HS6ST1: variants seen among roughly 807,000 people sequenced by gnomAD.
The protein encoded by HS6ST1 is heparan-sulfate 6-O-sulfotransferase 1.
Under a neutral mutation model 25.2 loss-of-function variants are expected in HS6ST1, and 3 were observed. That is an observed-to-expected ratio of 0.12 (90% CI 0.05 to 0.31). The LOEUF (loss-of-function observed/expected upper bound fraction) is 0.31. Ranked by LOEUF, HS6ST1 falls within the 10% of genes least tolerant of loss-of-function variation. The pLI is 1.00. For missense variants in HS6ST1, 310 were observed against 609.6 expected (o/e 0.51, Z 5.18); for synonymous variants, 204 against 275.1 (o/e 0.74, Z 2.56).
intron 1 of HS6ST1, chr2:128,290,033 TATAA>T (rs1301935633): frequency 6.6e-6 from 1 of 152,158 alleles, no homozygotes; most frequent in African/African-American, 2.4e-5. Context: ...TAACTACATA[TATAA>T]ATATACATGT....
intron 1 of HS6ST1, among the ~76,000 whole-genome samples, chr2:128,310,440 C>T (rs561206389): frequency 1.1e-4 from 17 of 152,350 alleles, no homozygotes; most frequent in South Asian, 4.1e-4. Flanking sequence ...AGAGGCACCG[C>T]GGCAGCAGAA....
At chr2:128,297,821 T>C (rs1026462798) in intron 1 of HS6ST1, among the ~76,000 whole-genome samples, 2 of 152,004 alleles carry the variant, frequency 1.3e-5, no homozygotes, top group African/African-American at 4.8e-5. Flanking sequence ...GCAACAAGAG[T>C]GAAACTCTGT....
At position 128,305,625 on chromosome 2, in the gene HS6ST1, C is replaced by T. The variant is rs528642950; in HGVS notation, c.527+12412G>A. Among the ~76,000 whole-genome samples, 14 of 152,360 alleles carry T rather than the reference C, an allele frequency of 9.2e-5. 1 individual carries two copies. The highest frequency in any genetic ancestry group is 3.1e-4 in the African/African-American group (13 of 41,594). ...CTGGAACCCACTCTCACTCTGGGGC[C>T]TACCTTCTCCCCGGCTTAGTGCCTG... On this transcript the variant is annotated intron_variant, in intron 1 of 1. Transcript: ENST00000259241.
chr2:128,277,039 C>T (rs1026885347), intron 1 of HS6ST1, among the ~76,000 whole-genome samples: 1 of 152,124 alleles, frequency 6.6e-6, no homozygotes, highest in African/African-American at 2.4e-5. Flanking sequence ...CTGAATGCTC[C>T]GTGGCCACAC....
chr2:128,312,745 T>G (rs573618389), intron 1 of HS6ST1, among the ~76,000 whole-genome samples: 1 of 152,202 alleles, frequency 6.6e-6, no homozygotes, highest in South Asian at 2.1e-4. Flanking sequence ...TTTCGGTGAT[T>G]TAAGAGAATA....
At chr2:128,274,950 C>T (rs192012516) in intron 1 of HS6ST1, among the ~76,000 whole-genome samples, 1,803 of 116,386 alleles carry the variant, frequency 0.015, 23 homozygotes, top group Non-Finnish European at 0.017. Context: ...GGTGACAGAG[C>T]GAGACTCCGT....
chr2:128,288,562 T>C lies in HS6ST1; in HGVS notation c.528-19692A>G, dbSNP rs1374033043. 3.9e-5 allele frequency among the ~76,000 whole-genome samples: 6 copies of C among 152,270 alleles called. 1 individual carries two copies. In the East Asian group the frequency reaches 7.7e-4, roughly 20 times the overall value. The stretch of plus-strand genomic sequence containing the variant: ...TGCCAACTCTGGAAAACACATCAAC[T>C]GGAGAGATGGAGCAGAAATGCAACC... On this transcript the variant is annotated intron_variant, in intron 1 of 1. Coordinates refer to ENST00000259241, the MANE Select transcript of HS6ST1 (RefSeq NM_004807.3).
At chr2:128,282,942 A>G (rs1693809058) in intron 1 of HS6ST1, among the ~76,000 whole-genome samples, 1 of 152,140 alleles carries the variant, frequency 6.6e-6, no homozygotes, top group Non-Finnish European at 1.5e-5. Flanking sequence ...ACCTCAGGGG[A>G]CCAGACACCC....
chr2:128,289,669 ATC>A (rs1253493459), intron 1 of HS6ST1: 1 of 152,210 alleles, frequency 6.6e-6, no homozygotes, highest in Admixed American at 6.5e-5. Context: ...TGCATCTGTC[ATC>A]TGTTTCCTCC....
At chr2:128,288,259 C>T (rs918986448) in intron 1 of HS6ST1, among the ~76,000 whole-genome samples, 2 of 152,182 alleles carry the variant, frequency 1.3e-5, no homozygotes, top group African/African-American at 4.8e-5. Context: ...CTGCTTGGGC[C>T]CACCAAGAGA....
intron 1 of HS6ST1, among the ~76,000 whole-genome samples, chr2:128,271,230 C>A (rs901580471): frequency 6.6e-6 from 1 of 152,254 alleles, no homozygotes; most frequent in Admixed American, 6.5e-5. Flanking sequence ...GGGCTTGGCA[C>A]CCTGCAGATG....
At chr2:128,276,404 G>A (rs1231773352) in intron 1 of HS6ST1, among the ~76,000 whole-genome samples, 1 of 152,186 alleles carries the variant, frequency 6.6e-6, no homozygotes, top group African/African-American at 2.4e-5. Context: ...CCAAAGTGTT[G>A]GGATGACAGG....
At chr2:128,289,174 C>A (rs1693911412) in intron 1 of HS6ST1, among the ~76,000 whole-genome samples, 1 of 152,094 alleles carries the variant, frequency 6.6e-6, no homozygotes, top group South Asian at 2.1e-4. Flanking sequence ...ACTCTATACT[C>A]CCATGGCCCT....
At chr2:128,308,880 G>A (rs1475937713) in intron 1 of HS6ST1, among the ~76,000 whole-genome samples, 1 of 152,204 alleles carries the variant, frequency 6.6e-6, no homozygotes, top group Admixed American at 6.5e-5. Flanking sequence ...TTCCTAGCTG[G>A]CTCTGGAGGT....
Position 128,268,538 on chromosome 2 carries a change from C to G in HS6ST1, c.860G>C (p.Gly287Ala), listed in dbSNP as rs1283087346. Residue 287 changes from glycine to alanine, a missense_variant, in exon 2 of 2, where the codon GGC (glycine) becomes GCC (alanine). By Grantham distance (60) the Gly-to-Ala change is moderately conservative (BLOSUM62 0). Around this residue, in one of 5 missense-constraint regions of HS6ST1, gnomAD observed 98 missense variants for 270.3 expected, o/e 0.36. Transcript: ENST00000259241. ...CTCGGTCAGGCCGAAGAAGGCCATGCCCCGCAGGTTCTTCTTGGCGCTCTC... is the reference window on the plus strand; with the variant it reads ...CTCGGTCAGGCCGAAGAAGGCCATGGCCCGCAGGTTCTTCTTGGCGCTCTC... Reference protein sequence around the residue: ...LLESAKKNLRGMAFFGLTEFQ... With the variant: ...LLESAKKNLRAMAFFGLTEFQ... 33 of 1,601,302 alleles carry G rather than the reference C, an allele frequency of 2.1e-5. No homozygotes were observed. The highest frequency in any genetic ancestry group is 2.7e-5 in the Non-Finnish European group (32 of 1,173,632).
At chr2:128,315,540 G>C in intron 1 of HS6ST1, among the ~76,000 whole-genome samples, 1 of 152,236 alleles carries the variant, frequency 6.6e-6, no homozygotes. Flanking sequence ...CAGAGCCAGA[G>C]TGAAGACATC....
In HS6ST1 at chr2:128,318,081, G is replaced by A. The variant is rs1353135604; in HGVS notation, c.483C>T (p.Pro161=). The A allele has an allele frequency of 3.9e-6, 6 of 1,528,914 alleles. No homozygotes were observed. Among genetic ancestry groups the A allele is most frequent in the Non-Finnish European group, 5.3e-6 (6 of 1,141,182 alleles). The allele number at this position is 1,528,914 out of a possible 1,614,324, so 94.7% of individuals were successfully genotyped here. The change falls in exon 1 of 2, where the codon CCC becomes CCT. Residue 161 remains proline, a synonymous_variant. Coordinates refer to ENST00000259241, the MANE Select transcript of HS6ST1 (RefSeq NM_004807.3). The surrounding 1 kb of genome is among the most constrained non-coding windows in gnomAD (Gnocchi z 5.7). The part of the protein sequence containing the change: ...ADWTELTNCV[P]GVLDRRDSAA... ...CGGAGTCGCGGCGGTCCAGCACGCCGGGCACGCAGTTGGTGAGCTCGGTCC... is the reference window on the plus strand; with the variant it reads ...CGGAGTCGCGGCGGTCCAGCACGCCAGGCACGCAGTTGGTGAGCTCGGTCC...
At chr2:128,305,123 G>A (rs1694189149) in intron 1 of HS6ST1, among the ~76,000 whole-genome samples, 1 of 152,194 alleles carries the variant, frequency 6.6e-6, no homozygotes, top group Non-Finnish European at 1.5e-5. Flanking sequence ...GTCCCCATTT[G>A]ACCCACTTGC....
chr2:128,285,161 T>C (rs1043969213), intron 1 of HS6ST1, among the ~76,000 whole-genome samples: 1 of 152,202 alleles, frequency 6.6e-6, no homozygotes, highest in Non-Finnish European at 1.5e-5. Flanking sequence ...CCATCTAGCC[T>C]GTTTTCCAGT....
Sources: gnomAD v4.1 joint callset for allele counts (sites outside exome capture counted in the v4.1 genomes callset) on GRCh38, gnomAD v4.1.1 for gene constraint, gnomAD v4.1.1 regional missense constraint, Gnocchi (gnomAD v3.1) non-coding constraint, MANE v1.5 for transcripts, NCBI Gene and HGNC (gene_info 2026-07-23, HGNC 2026-07-21) for gene names.